Variants in SVIL observed in about 807,000 individuals in gnomAD.
SVIL encodes the protein archvillin.
In SVIL, 101 loss-of-function variants were observed where a neutral mutation model predicts 240.4. The ratio of observed to expected loss-of-function variants is 0.42; its 90% confidence interval spans 0.36 to 0.50. The LOEUF (loss-of-function observed/expected upper bound fraction) is 0.50. SVIL is among the 20% of genes least tolerant of loss of function. The pLI is 0.01. For missense variants in SVIL, 2,512 were observed against 2,818.7 expected, an observed-to-expected ratio of 0.89 and a Z score of 2.46; for synonymous variants, 999 against 1,100.0, an observed-to-expected ratio of 0.91 and a Z score of 1.82.
intron 7 of SVIL, among the ~76,000 whole-genome samples, chr10:29,534,175 CT>C (rs1335852281): frequency 2.0e-5 from 3 of 152,314 alleles, no homozygotes; most frequent in Non-Finnish European, 4.4e-5. Context: ...CACCATCCCC[CT>C]GTCCTGCTGT....
intron 17 of SVIL, among the ~76,000 whole-genome samples, chr10:29,499,618 T>C (rs140911602): frequency 0.037 from 5,558 of 151,980 alleles, 316 homozygotes; most frequent in African/African-American, 0.13. Flanking sequence ...TTAACCCATC[T>C]AGTTAAACTC....
intron 12 of SVIL, among the ~76,000 whole-genome samples, chr10:29,527,815 T>C (rs1322044421): frequency 1.4e-5 from 2 of 140,504 alleles, no homozygotes; most frequent in East Asian, 4.4e-4. Flanking sequence ...AGCCTCCACC[T>C]CCTGGGTTTA....
chr10:29,534,928 A>G (rs954181237), intron 7 of SVIL, among the ~76,000 whole-genome samples: 2 of 152,202 alleles, frequency 1.3e-5, no homozygotes, highest in African/African-American at 2.4e-5. Flanking sequence ...TGGAAAACTG[A>G]TTAGGGCTCA....
chr10:29,643,882 C>T (rs1564731044), intron 3 of SVIL: 1 of 445,982 alleles, frequency 2.2e-6, no homozygotes, highest in South Asian at 1.6e-5. Context: ...GAACTGCTGG[C>T]CTCGTGGTCA....
chr10:29,479,665 C>T (rs1157294595), intron 29 of SVIL, among the ~76,000 whole-genome samples: 1 of 152,198 alleles, frequency 6.6e-6, no homozygotes, highest in African/African-American at 2.4e-5. Flanking sequence ...ATAGATGCAT[C>T]TTGTATAAAT....
chr10:29,486,646 G>A (rs1253272314), intron 24 of SVIL, 89 bp from the exon 25 acceptor site: 3 of 1,505,838 alleles, frequency 2.0e-6, no homozygotes, highest in Non-Finnish European at 2.7e-6. Context: ...GAGAAACAGT[G>A]TGCCTGCAAG....
At chr10:29,643,388 A>G (rs1428616933) in intron 3 of SVIL, among the ~76,000 whole-genome samples, 1 of 152,104 alleles carries the variant, frequency 6.6e-6, no homozygotes, top group Non-Finnish European at 1.5e-5. Flanking sequence ...ATTTTGCCCT[A>G]TTTTCTGCCA....
intron 1 of SVIL, among the ~76,000 whole-genome samples, chr10:29,731,378 A>G (rs1265183153): frequency 1.3e-5 from 2 of 152,248 alleles, no homozygotes; most frequent in Non-Finnish European, 2.9e-5. Flanking sequence ...TGATTAAACA[A>G]AGGATGTGGG....
At chr10:29,521,218 G>T (rs1950541961) in intron 16 of SVIL, among the ~76,000 whole-genome samples, 2 of 131,024 alleles carry the variant, frequency 1.5e-5, no homozygotes, top group Admixed American at 1.6e-4. Flanking sequence ...GCAAGACTTA[G>T]TCTCAAAAAG....
intron 2 of SVIL, among the ~76,000 whole-genome samples, chr10:29,680,529 T>C (rs960632045): frequency 2.0e-5 from 3 of 152,224 alleles, no homozygotes; most frequent in African/African-American, 7.2e-5. Context: ...CGTGCTGTGA[T>C]CTTGCACTTT....
chr10:29,458,624 T>A, intron 36 of SVIL, 35 bp from the exon 37 acceptor site: 1 of 1,599,060 alleles, frequency 6.3e-7, no homozygotes, highest in South Asian at 1.1e-5. Flanking sequence ...GGAGAGCTCG[T>A]GTCCTACATT....
chr10:29,663,231 C>T (rs1055262352), intron 2 of SVIL, among the ~76,000 whole-genome samples: 5 of 152,170 alleles, frequency 3.3e-5, no homozygotes, highest in Non-Finnish European at 7.4e-5. Flanking sequence ...TATTTTTACA[C>T]AGTAAGACAG....
At chr10:29,518,974 G>A (rs944011370) in intron 16 of SVIL, among the ~76,000 whole-genome samples, 4 of 152,180 alleles carry the variant, frequency 2.6e-5, no homozygotes, top group African/African-American at 9.7e-5. Context: ...CCCTGGACAG[G>A]GGAGAGACTG....
rs962764982 is a variant in SVIL, at chr10:29,512,668, T to C, written c.3516+67A>G. On this transcript the variant is annotated intron_variant, in intron 17 of 37. Coordinates refer to ENST00000355867, the MANE Select transcript of SVIL (RefSeq NM_021738.3). ...GAGTAGGAATTAGGTGGCACACGCTTGTCTTTTTGATGCACTTCCAAGAGT... is the reference window on the plus strand; with the variant it reads ...GAGTAGGAATTAGGTGGCACACGCTCGTCTTTTTGATGCACTTCCAAGAGT... The C allele has an allele frequency of 6.2e-6, 10 of 1,612,408 alleles. No individual in the cohort carries two copies. In the African/African-American group the frequency reaches 1.3e-4, roughly 22 times the overall value.
At chr10:29,460,328 A>G (rs1944097775) in intron 36 of SVIL, among the ~76,000 whole-genome samples, 1 of 152,140 alleles carries the variant, frequency 6.6e-6, no homozygotes, top group South Asian at 2.1e-4. Flanking sequence ...AATGTTAATT[A>G]TTTGTATAAC....
At chr10:29,510,449 G>C (rs969929054) in intron 17 of SVIL, among the ~76,000 whole-genome samples, 2 of 150,978 alleles carry the variant, frequency 1.3e-5, no homozygotes, top group Non-Finnish European at 3.0e-5. Flanking sequence ...GGAACTTCTA[G>C]AGTCCCCTCT....
intron 2 of SVIL, among the ~76,000 whole-genome samples, chr10:29,674,161 T>C (rs954874173): frequency 3.3e-5 from 5 of 151,880 alleles, no homozygotes; most frequent in African/African-American, 4.8e-5. Context: ...CAAGACCTGA[T>C]TTCTACAAAA....
chr10:29,669,481 A>G (rs1564749210), intron 2 of SVIL, among the ~76,000 whole-genome samples: 1 of 152,328 alleles, frequency 6.6e-6, no homozygotes, highest in East Asian at 1.9e-4. Context: ...CCAGTTGGAT[A>G]AAAACAAGAG....
intron 29 of SVIL, among the ~76,000 whole-genome samples, chr10:29,476,452 G>A (rs551205226): frequency 9.9e-5 from 15 of 152,246 alleles, no homozygotes; most frequent in African/African-American, 3.4e-4. Flanking sequence ...TTGCTCTGTT[G>A]CCCAGGTTGG....
Sources: gnomAD v4.1 joint callset for allele counts (sites outside exome capture counted in the v4.1 genomes callset) on GRCh38, gnomAD v4.1.1 for gene constraint, MANE v1.5 for transcripts, NCBI Gene and HGNC (gene_info 2026-07-23, HGNC 2026-07-21) for gene names.